The following FSHR variants were observed in gnomAD, a reference collection of about 807,000 sequenced individuals.
FSHR encodes follicle-stimulating hormone receptor.
In FSHR, 46 loss-of-function variants were observed where a neutral mutation model predicts 52.1. The ratio of observed to expected loss-of-function variants is 0.88; its 90% CI spans 0.70 to 1.13. The LOEUF (loss-of-function observed/expected upper bound fraction) is 1.13, where lower values mean the gene tolerates loss of function less well. FSHR is among the 50% of genes most tolerant of loss of function. The pLI is 0.00. For missense variants in FSHR, 964 were observed against 834.6 expected (o/e 1.16, Z -1.91); for synonymous variants, 399 against 309.6 (o/e 1.29, Z -3.03).
intron 1 of FSHR, among the ~76,000 whole-genome samples, chr2:49,123,124 G>T (rs1329645031): frequency 6.6e-6 from 1 of 152,128 alleles, no homozygotes; most frequent in Non-Finnish European, 1.5e-5. Flanking sequence ...GTCATATAGA[G>T]TCTATTTTCC....
chr2:49,081,055 C>A (rs141855404), intron 1 of FSHR, among the ~76,000 whole-genome samples: 2 of 152,270 alleles, frequency 1.3e-5, no homozygotes, highest in East Asian at 3.9e-4. Context: ...TTCCCCCTTA[C>A]TTTCTCTGCC....
intron 8 of FSHR, among the ~76,000 whole-genome samples, chr2:48,981,828 G>A (rs993701435): frequency 2.6e-5 from 4 of 152,182 alleles, no homozygotes; most frequent in African/African-American, 4.8e-5. Flanking sequence ...CGGTAGGTGG[G>A]TAGATAACCA....
intron 4 of FSHR, among the ~76,000 whole-genome samples, chr2:49,003,521 C>A (rs1178262015): frequency 1.3e-5 from 2 of 152,126 alleles, no homozygotes; most frequent in East Asian, 1.9e-4. Flanking sequence ...AGTTTGGGGG[C>A]AGCTGGGACA....
intron 4 of FSHR, among the ~76,000 whole-genome samples, chr2:49,003,896 A>G (rs139503240): frequency 6.7e-6 from 1 of 149,266 alleles, no homozygotes; most frequent in Non-Finnish European, 1.5e-5. Context: ...GCCCATCCCC[A>G]TGGAGATGGG....
intron 2 of FSHR, among the ~76,000 whole-genome samples, chr2:49,027,492 G>A (rs1323371111): frequency 6.6e-6 from 1 of 152,168 alleles, no homozygotes; most frequent in Non-Finnish European, 1.5e-5. Flanking sequence ...TAGTCTTTGT[G>A]CTTGGGAGCC....
intron 2 of FSHR, among the ~76,000 whole-genome samples, chr2:49,038,084 C>T (rs1049293056): frequency 3.3e-5 from 5 of 152,046 alleles, no homozygotes; most frequent in African/African-American, 1.2e-4. Flanking sequence ...GAGTTATGTG[C>T]TGAATAGAAA....
chr2:48,964,766 T>A (rs928667687), intron 9 of FSHR, among the ~76,000 whole-genome samples: 2 of 152,210 alleles, frequency 1.3e-5, no homozygotes, highest in South Asian at 4.1e-4. Flanking sequence ...GTTTTGCCTT[T>A]AAACCCAAAT....
At chr2:49,039,490 T>A (rs1270232031) in intron 2 of FSHR, among the ~76,000 whole-genome samples, 1 of 152,246 alleles carries the variant, frequency 6.6e-6, no homozygotes, top group Non-Finnish European at 1.5e-5. Context: ...TTTCTTGTTA[T>A]CTTTCCAAAA....
At chr2:49,021,878 T>TAC (rs1667726543) in intron 2 of FSHR, among the ~76,000 whole-genome samples, 1 of 60,858 alleles carries the variant, frequency 1.6e-5, no homozygotes, top group African/African-American at 6.9e-5. Context: ...TATATATATA[T>TAC]ATATATATAG....
chr2:49,140,110 G>A (rs567364062), intron 1 of FSHR, among the ~76,000 whole-genome samples: 2 of 152,126 alleles, frequency 1.3e-5, no homozygotes, highest in South Asian at 2.1e-4. Flanking sequence ...CACATCTGAC[G>A]TAGTTTGGAC....
intron 2 of FSHR, among the ~76,000 whole-genome samples, chr2:49,063,964 AATT>A (rs977989109): frequency 2.0e-5 from 3 of 152,144 alleles, no homozygotes; most frequent in Non-Finnish European, 4.4e-5. Context: ...TATGTGTTAC[AATT>A]ATTATAAATA....
intron 1 of FSHR, among the ~76,000 whole-genome samples, chr2:49,148,778 C>T (rs554938309): frequency 3.9e-5 from 6 of 152,030 alleles, no homozygotes; most frequent in Non-Finnish European, 8.8e-5. Flanking sequence ...GGAGGCATAA[C>T]GTAAAGACAC....
At chr2:49,021,886 T>TATATATAGAGAG (rs1273265515) in intron 2 of FSHR, among the ~76,000 whole-genome samples, 40 of 25,110 alleles carry the variant, frequency 1.6e-3, no homozygotes, top group East Asian at 2.7e-3. Flanking sequence ...TATATATATA[T>TATATATAGAGAG]AGAGAGAGAG....
At chr2:48,984,574 TAATAATTGG>T (rs1675402810) in intron 6 of FSHR, among the ~76,000 whole-genome samples, 1 of 129,602 alleles carries the variant, frequency 7.7e-6, no homozygotes, top group Non-Finnish European at 1.7e-5. Context: ...ATTCAAAGTG[TAATAATTGG>T]GTATTTTTTT....
At chr2:49,068,186 A>G in intron 2 of FSHR, 33 bp downstream of exon 2, 7 of 1,551,636 alleles carry the variant, frequency 4.5e-6, no homozygotes, top group Non-Finnish European at 6.2e-6. Context: ...AGCCCCCTTG[A>G]GGCATTCACT....
intron 4 of FSHR, among the ~76,000 whole-genome samples, chr2:48,993,906 T>G (rs1025958307): frequency 1.3e-5 from 2 of 152,206 alleles, no homozygotes; most frequent in African/African-American, 4.8e-5. Context: ...CCATATATGC[T>G]AAACTAAATT....
At chr2:48,986,257 A>T (rs1355878247) in intron 6 of FSHR, among the ~76,000 whole-genome samples, 1 of 152,132 alleles carries the variant, frequency 6.6e-6, no homozygotes, top group Non-Finnish European at 1.5e-5. Context: ...TTTGCTTAGA[A>T]TATTGGCCTC....
rs771787936 is a variant in FSHR at position 48,989,091 on chromosome 2, A to C, written c.447-37T>G. On this transcript the variant is annotated intron_variant, in intron 5 of 9. Transcript: ENST00000406846. ...TACAGACAAATAAGATACTTACATC[A>C]GCTCTACTCATGTAACCTTCCAAAA... 7.1e-6 allele frequency: 11 copies of C among 1,544,370 alleles called. No individual in the cohort carries two copies. In the African/African-American group the frequency reaches 1.5e-4, roughly 21 times the overall value.
At chr2:49,037,923 C>G (rs1338223838) in intron 2 of FSHR, among the ~76,000 whole-genome samples, 2 of 152,002 alleles carry the variant, frequency 1.3e-5, no homozygotes, top group African/African-American at 4.8e-5. Flanking sequence ...TTAAGGAAAT[C>G]ATTAAACCAC....
Sources: gnomAD v4.1 joint callset for allele counts (sites outside exome capture counted in the v4.1 genomes callset) on GRCh38, gnomAD v4.1.1 for gene constraint, MANE v1.5 for transcripts, NCBI Gene and HGNC (gene_info 2026-07-23, HGNC 2026-07-21) for gene names.